The following ZNF320 variants were observed in gnomAD, a reference collection of about 807,000 sequenced individuals.
ZNF320 encodes zinc finger protein 320.
In ZNF320, 2 loss-of-function variants were observed where a neutral mutation model predicts 6.8. That is an observed-to-expected ratio of 0.29 (90% CI 0.12 to 0.93). ZNF320 has a LOEUF of 0.93. Among genes scored for constraint, ZNF320 ranks in the 40% least tolerant of loss-of-function variants. ZNF320 has a pLI of 0.55. For synonymous variants in ZNF320, 208 were observed against 203.2 expected (o/e 1.02, Z -0.20); for missense variants, 472 against 611.0 (o/e 0.77, Z 2.40).
At chr19:52,891,437 ATTTCAGATGGGGGTGGGAGG>A (rs2064288944) in intron 2 of ZNF320, 91 bp from the exon 3 acceptor site, 1 of 145,776 alleles carries the variant, frequency 6.9e-6, no homozygotes, top group Non-Finnish European at 1.5e-5. Flanking sequence ...GGCAGAGGGA[ATTTCAGATGGGGGTGGGAGG>A]GCATGGGAGA....
Position 52,881,425 on chromosome 19 carries a change from C to T in ZNF320, c.701G>A (p.Cys234Tyr). ...KVFDQKATLA[C>Y]HHRSHTGEKP... ...CTCTCCAGTATGACTTCTATGATGA[C>T]ATGCAAGGGTTGCTTTTTGATCAAA... Residue 234 changes from cysteine to tyrosine, a missense_variant, in exon 6 of 6, where the codon TGT (cysteine) becomes TAT (tyrosine). Physicochemically the swap from Cys to Tyr is radical, Grantham distance 194. Transcript: ENST00000682928. 1 of 1,614,080 alleles carries T rather than the reference C, an allele frequency of 6.2e-7. No homozygotes were observed. The highest frequency in any genetic ancestry group is 8.5e-7 in the Non-Finnish European group (1 of 1,180,012).
At position 52,876,799 on chromosome 19, in the gene ZNF320, T is replaced by A. The variant is rs1472235118; in HGVS notation, c.*3797A>T. On this transcript the variant is annotated 3_prime_UTR_variant, in exon 6 of 6. Coordinates refer to ENST00000682928, the MANE Select transcript of ZNF320 (RefSeq NM_001351774.2). ...GGCATGAGCCAGAGCACCTGGTCTA[T>A]TTTTTTTTTTTTAAATTAAGAAACA... 3 of 70,134 alleles carry A rather than the reference T, an allele frequency of 4.3e-5. No individual in the cohort carries two copies. The highest frequency in any genetic ancestry group is 1.2e-4 in the Admixed American group (1 of 8,636). 4.3% of individuals were successfully genotyped at this position (70,134 alleles called of 1,614,324 possible).
downstream of ZNF320, among the ~76,000 whole-genome samples, chr19:52,859,733 G>A (rs1196994385): frequency 6.6e-6 from 1 of 152,154 alleles, no homozygotes; most frequent in Non-Finnish European, 1.5e-5. Flanking sequence ...CACTCCGTAA[G>A]AAGGGACAAT....
At chr19:52,894,484 G>A (rs1463663124) in intron 1 of ZNF320, among the ~76,000 whole-genome samples, 1 of 151,972 alleles carries the variant, frequency 6.6e-6, no homozygotes, top group Non-Finnish European at 1.5e-5. Flanking sequence ...AGGTTCTGAT[G>A]GCATGAATCC....
the ZNF320 span, among the ~76,000 whole-genome samples, chr19:52,903,199 A>G: frequency 6.6e-6 from 1 of 152,254 alleles, no homozygotes; most frequent in Non-Finnish European, 1.5e-5. Flanking sequence ...TAAGGCTACC[A>G]GATTAGAAGT....
Position 52,878,157 on chromosome 19 carries a change from T to G in ZNF320, c.*2439A>C. 4.8e-6 allele frequency: 1 copy of G among 210,124 alleles called. No homozygotes were observed. The highest frequency in any genetic ancestry group is 1.0e-5 in the Non-Finnish European group (1 of 98,208). 13.0% of individuals were successfully genotyped at this position (210,124 alleles called of 1,614,324 possible). ...ATATGCAATTCCTTATAGATCCAGCTTGGCTCTTCTCCAGTGTCGTCTTTG... is the reference window on the plus strand; with the variant it reads ...ATATGCAATTCCTTATAGATCCAGCGTGGCTCTTCTCCAGTGTCGTCTTTG... On this transcript the variant is annotated 3_prime_UTR_variant, in exon 6 of 6. Transcript: ENST00000682928.
chr19:52,880,873 C>A lies in ZNF320; in HGVS notation c.1253G>T (p.Cys418Phe). 6.2e-7 allele frequency: 1 copy of A among 1,613,964 alleles called. No homozygotes were observed. The highest frequency in any genetic ancestry group is 8.5e-7 in the Non-Finnish European group (1 of 1,179,866). The change falls in exon 6 of 6, where the codon TGT (cysteine) becomes TTT (phenylalanine). Residue 418 changes from cysteine to phenylalanine, a missense_variant. By Grantham distance (205) the Cys-to-Phe change is radical. Around this residue, in one of 2 missense-constraint regions of ZNF320, gnomAD observed 462 missense variants for 559.7 expected, o/e 0.83. Transcript: ENST00000682928. ...TGATTTGCGAATGTAAACTTTGTCA[C>A]ATTCTTCACATTCGTAAAGTTTCTC... The part of the protein sequence containing the change: ...TGEKLYECEE[C>F]DKVYIRKSHL...
At chr19:52,865,775 A>G (rs1434880634) in intron 5 of ZNF320, among the ~76,000 whole-genome samples, 2 of 124,644 alleles carry the variant, frequency 1.6e-5, no homozygotes, top group South Asian at 4.5e-4. Context: ...ATACACATAT[A>G]TTTATATATA....
chr19:52,899,060 T>A (rs1194269805), upstream of ZNF320, among the ~76,000 whole-genome samples: 2 of 152,248 alleles, frequency 1.3e-5, no homozygotes, highest in East Asian at 3.8e-4. Context: ...TTTTGCTACT[T>A]ATGTCTTTTT....
At chr19:52,873,497 T>A (rs1242810799), downstream of ZNF320, among the ~76,000 whole-genome samples, 1 of 152,198 alleles carries the variant, frequency 6.6e-6, no homozygotes, top group African/African-American at 2.4e-5. Context: ...GGGGCTAAGG[T>A]TACAGATTAA....
intron 2 of ZNF320, among the ~76,000 whole-genome samples, chr19:52,892,781 C>T (rs148454164): frequency 0.17 from 25,939 of 150,830 alleles, 2,657 homozygotes; most frequent in South Asian, 0.26. Flanking sequence ...TCTGGCACCC[C>T]AGATCCCCAG....
At chr19:52,865,264 G>A in intron 5 of ZNF320, 1 of 183,240 alleles carries the variant, frequency 5.5e-6, no homozygotes, top group South Asian at 1.2e-4. Context: ...AGAGGTTGCA[G>A]CAAGCTGAGA....
rs551672911 is a variant in ZNF320 at position 52,890,260 on chromosome 19, G to T, written c.-5C>A. 3.7e-6 allele frequency: 6 copies of T among 1,606,628 alleles called. 1 individual carries two copies. The South Asian group carries it at 5.5e-5, about 15-fold the overall frequency. ...TCTCACCTGAGAAAGAGCCATCCCC[G>T]ACTCCTTTGCTTTCCTCTTCCTCTT... On this transcript the variant is annotated 5_prime_UTR_variant, in exon 4 of 6. Transcript: ENST00000682928.
At chr19:52,899,289 T>G (rs2064556212), upstream of ZNF320, among the ~76,000 whole-genome samples, 3 of 152,178 alleles carry the variant, frequency 2.0e-5, no homozygotes, top group Non-Finnish European at 1.5e-5. Flanking sequence ...ATTGAGTCCG[T>G]GCCACACCTG....
At chr19:52,898,164 C>T (rs117420676), upstream of ZNF320, among the ~76,000 whole-genome samples, 1 of 152,194 alleles carries the variant, frequency 6.6e-6, no homozygotes, top group Non-Finnish European at 1.5e-5. Context: ...TTCCTGCTGA[C>T]GGCCCACAGA....
chr19:52,880,631 A>G lies in ZNF320; in HGVS notation c.1495T>C (p.Cys499Arg). The change falls in exon 6 of 6, where the codon TGC becomes CGC. Residue 499 changes from cysteine to arginine, a missense_variant. Around this residue, in one of 2 missense-constraint regions of ZNF320, gnomAD observed 462 missense variants for 559.7 expected, o/e 0.83. Coordinates refer to ENST00000682928, the MANE Select transcript of ZNF320 (RefSeq NM_001351774.2). ...KIPFGDNCFKCNEYSKPSSIN is the reference protein window; with the variant it reads ...KIPFGDNCFKRNEYSKPSSIN ...CTTGATGGTTTGCTATACTCATTGC[A>G]CTTGAAACAATTGTCTCCAAAAGGA... 6.2e-7 allele frequency: 1 copy of G among 1,612,680 alleles called. No individual in the cohort carries two copies.
At chr19:52,871,782 C>T (rs2063685264), downstream of ZNF320, among the ~76,000 whole-genome samples, 1 of 152,202 alleles carries the variant, frequency 6.6e-6, no homozygotes, top group South Asian at 2.1e-4. Context: ...ATGCTTTTCT[C>T]ATGAACACAT....
upstream of ZNF320, among the ~76,000 whole-genome samples, chr19:52,898,308 T>C (rs2064532358): frequency 6.6e-6 from 1 of 150,778 alleles, no homozygotes; most frequent in Admixed American, 6.6e-5. Flanking sequence ...CAGGGAGGAG[T>C]GAGGTCACCA....
intron 5 of ZNF320, among the ~76,000 whole-genome samples, chr19:52,865,806 T>C (rs2063548886): frequency 1.6e-5 from 1 of 61,956 alleles, no homozygotes; most frequent in Non-Finnish European, 3.1e-5. Flanking sequence ...CATATATTTA[T>C]ATATATGATT....
Sources: gnomAD v4.1 joint callset for allele counts (sites outside exome capture counted in the v4.1 genomes callset) on GRCh38, gnomAD v4.1.1 for gene constraint, gnomAD v4.1.1 regional missense constraint, MANE v1.5 for transcripts, NCBI Gene and HGNC (gene_info 2026-07-23, HGNC 2026-07-21) for gene names.